The following CFAP44 variants were observed in gnomAD, a reference collection of about 807,000 sequenced individuals.
The protein encoded by CFAP44 is cilia and flagella associated protein 44, also known as cilia- and flagella-associated protein 44.
In CFAP44, 134 loss-of-function variants were observed where a neutral mutation model predicts 216.2. The observed-to-expected ratio is 0.62, with a 90% CI of 0.54 to 0.72. The LOEUF (loss-of-function observed/expected upper bound fraction) is 0.72, where lower values mean the gene tolerates loss of function less well. CFAP44 is among the 30% of genes least tolerant of loss of function. CFAP44 has a pLI of 0.00. For synonymous variants in CFAP44, 700 were observed against 727.6 expected (o/e 0.96, Z 0.61); for missense variants, 2,035 against 2,182.1 (o/e 0.93, Z 1.34).
intron 26 of CFAP44, among the ~76,000 whole-genome samples, chr3:113,329,668 A>G (rs1190281233): frequency 6.6e-6 from 1 of 152,222 alleles, no homozygotes; most frequent in Non-Finnish European, 1.5e-5. Context: ...TAGAAATAAG[A>G]ATAGTCGCCA....
rs968202271 is a variant in CFAP44 at position 113,330,381 on chromosome 3, G to A, written c.3903C>T (p.Gly1301=). 3.9e-6 allele frequency: 6 copies of A among 1,537,084 alleles called. No homozygotes were observed. The highest frequency in any genetic ancestry group is 4.4e-6 in the Non-Finnish European group (5 of 1,146,886). The change falls in exon 26 of 35, where the codon GGC becomes GGT. Residue 1301 remains glycine, a synonymous_variant. Transcript: ENST00000393845. The stretch of plus-strand genomic sequence containing the variant: ...AGAGTTTGAGGAATCCTCCAACTGG[G>A]CCTCCAGACCCTGTCTGTTCCACTC... ...SPGVEQTGSG[G]PVGGFLKLSS...
At chr3:113,383,636 A>C (rs983298374) in intron 15 of CFAP44, among the ~76,000 whole-genome samples, 6 of 152,240 alleles carry the variant, frequency 3.9e-5, no homozygotes, top group African/African-American at 1.4e-4. Context: ...AGCAAATGGT[A>C]AATGAAATAC....
chr3:113,420,007 G>A lies in CFAP44; in HGVS notation c.570+10C>T. 2 of 1,603,846 alleles carry A rather than the reference G, an allele frequency of 1.2e-6. No homozygotes were observed. Among genetic ancestry groups the A allele is most frequent in the Non-Finnish European group, 8.5e-7 (1 of 1,176,440 alleles). On this transcript the variant is annotated intron_variant, in intron 5 of 34. Transcript: ENST00000393845. ...TTTTGGGGTTTTTTTCTAATTTATT[G>A]AAGGCATACCCCAATGACGCCAATT...
At chr3:113,429,629 G>A (rs1177360297) in intron 2 of CFAP44, among the ~76,000 whole-genome samples, 3 of 151,902 alleles carry the variant, frequency 2.0e-5, no homozygotes, top group Non-Finnish European at 4.4e-5. Context: ...TGTAATTATT[G>A]ATATGGTTAG....
chr3:113,400,379 G>C (rs1934108368), intron 12 of CFAP44, among the ~76,000 whole-genome samples, 166 bp downstream of exon 12: 1 of 152,122 alleles, frequency 6.6e-6, no homozygotes, highest in Non-Finnish European at 1.5e-5. Context: ...AACCATGGCT[G>C]CTGTGTTTTG....
At chr3:113,372,589 G>A (rs1037329241) in intron 18 of CFAP44, among the ~76,000 whole-genome samples, 1 of 152,130 alleles carries the variant, frequency 6.6e-6, no homozygotes, top group Admixed American at 6.5e-5. Flanking sequence ...GGGAGTGGGG[G>A]GCAGAGGGAG....
intron 18 of CFAP44, among the ~76,000 whole-genome samples, chr3:113,367,766 A>G (rs1933002975): frequency 6.6e-6 from 1 of 152,226 alleles, no homozygotes; most frequent in African/African-American, 2.4e-5. Flanking sequence ...TAGGCTTCAG[A>G]AGGTTGGTAA....
chr3:113,415,740 CA>C (rs1323788642), intron 6 of CFAP44, among the ~76,000 whole-genome samples: 1 of 152,052 alleles, frequency 6.6e-6, no homozygotes, highest in African/African-American at 2.4e-5. Flanking sequence ...GTTATGATTT[CA>C]ACTCTTATGC....
At chr3:113,432,323 A>G (rs1935126867) in intron 2 of CFAP44, 1 of 152,212 alleles carries the variant, frequency 6.6e-6, no homozygotes, top group Admixed American at 6.5e-5. Flanking sequence ...AAACCCAGAT[A>G]TGCACTATTT....
chr3:113,411,938 C>CTGTT (rs200678347), intron 6 of CFAP44, among the ~76,000 whole-genome samples: 34,036 of 147,062 alleles, frequency 0.23, 4,694 homozygotes, highest in East Asian at 0.55. Context: ...ATTTGGCTCT[C>CTGTT]TGTCTGTTAT....
intron 1 of CFAP44, among the ~76,000 whole-genome samples, chr3:113,435,661 T>C (rs1935219861): frequency 6.6e-6 from 1 of 151,132 alleles, no homozygotes; most frequent in South Asian, 2.1e-4. Context: ...CCCAGGAGTT[T>C]GAGGCTGCAG....
intron 22 of CFAP44, among the ~76,000 whole-genome samples, chr3:113,354,749 C>T (rs1254007479): frequency 6.6e-6 from 1 of 152,142 alleles, no homozygotes; most frequent in Non-Finnish European, 1.5e-5. Context: ...GAGCTCTATA[C>T]GGCCCTGCCC....
intron 5 of CFAP44, among the ~76,000 whole-genome samples, chr3:113,419,396 T>C (rs1934744907): frequency 6.6e-6 from 1 of 152,236 alleles, no homozygotes; most frequent in Admixed American, 6.5e-5. Flanking sequence ...TTCCCCATTA[T>C]ATGTTCTGTG....
rs145105791 is a variant in CFAP44 at position 113,349,786 on chromosome 3, C to T, written c.3066-5074G>A. Among the ~76,000 whole-genome samples the T allele has an allele frequency of 1.2e-3, 177 of 152,316 alleles. 1 individual carries two copies. Among genetic ancestry groups the T allele is most frequent in the African/African-American group, 3.2e-3 (134 of 41,566 alleles). On this transcript the variant is annotated intron_variant, in intron 22 of 34. Transcript: ENST00000393845. ...CCATTGAGGACCAGGAAATTGACTTCCTCCTGGACACTGGTGCAGCTTTCT... is the reference window on the plus strand; with the variant it reads ...CCATTGAGGACCAGGAAATTGACTTTCTCCTGGACACTGGTGCAGCTTTCT...
In CFAP44 at chr3:113,289,030, G is replaced by A. The variant is rs969679787; in HGVS notation, c.*2527C>T. On this transcript the variant is annotated 3_prime_UTR_variant, in exon 35 of 35. Transcript: ENST00000393845. ...AGGCTGCTCCTCTGGGAGCACAGCAGAAGGCAGGGAAGTGTGCCAGGAGCA... is the reference window on the plus strand; with the variant it reads ...AGGCTGCTCCTCTGGGAGCACAGCAAAAGGCAGGGAAGTGTGCCAGGAGCA... 2 of 152,170 alleles carry A rather than the reference G, an allele frequency of 1.3e-5. No individual in the cohort carries two copies. Among genetic ancestry groups the A allele is most frequent in the African/African-American group, 4.8e-5 (2 of 41,440 alleles). The allele number at this position is 152,170 out of a possible 1,614,324, so 9.4% of individuals were successfully genotyped here. A position where few individuals can be genotyped will look rare whatever the true frequency, so the allele number is the denominator to read the frequency against.
Position 113,373,500 on chromosome 3 carries a change from G to C in CFAP44, c.2355C>G (p.Ser785Arg). 1 of 1,607,310 alleles carries C rather than the reference G, an allele frequency of 6.2e-7. No homozygotes were observed. The highest frequency in any genetic ancestry group is 8.5e-7 in the Non-Finnish European group (1 of 1,176,378). The change falls in exon 18 of 35, where the codon AGC becomes AGG. Residue 785 changes from serine (S) to arginine (R), a missense_variant. Coordinates refer to ENST00000393845, the MANE Select transcript of CFAP44 (RefSeq NM_001164496.2). ...CATCTTTTTGTTCTTTGAAATCACT[G>C]CTTTCATCACAAGGGGGGAACTCAC... ...YHCEFPPCDE[S>R]SDFKEQKDEP...
intron 8 of CFAP44, 24 bp downstream of exon 8, chr3:113,406,903 T>A (rs763473173): frequency 5.3e-5 from 83 of 1,553,726 alleles, no homozygotes; most frequent in Non-Finnish European, 6.6e-5. Context: ...AATTTTAATA[T>A]TGTAGAATAG....
rs895289000 is a variant in CFAP44 at position 113,326,573 on chromosome 3, T to C, written c.4388A>G (p.Gln1463Arg). The C allele has an allele frequency of 2.6e-6, 4 of 1,534,566 alleles. No homozygotes were observed. In the East Asian group the frequency reaches 9.8e-5, roughly 38 times the overall value. ...AAAACCAGCATAGAGTGCCTTTTCTTGCTCCTGGAGTTTGGTGATTTCATT... is the reference window on the plus strand; with the variant it reads ...AAAACCAGCATAGAGTGCCTTTTCTCGCTCCTGGAGTTTGGTGATTTCATT... ...KKNEITKLQE[Q>R]EKALYAGFQA... The change falls in exon 28 of 35, where the codon CAA becomes CGA. Residue 1463 changes from glutamine to arginine, a missense_variant. Physicochemically the swap from Gln to Arg is conservative, Grantham distance 43 (BLOSUM62 1). Coordinates refer to ENST00000393845, the MANE Select transcript of CFAP44 (RefSeq NM_001164496.2).
intron 21 of CFAP44, chr3:113,361,325 C>T (rs9872143): frequency 0.34 from 72,921 of 217,590 alleles, 12,825 homozygotes; most frequent in East Asian, 0.58. Flanking sequence ...GCTAGATTCA[C>T]TGAGGCAAAA....
Sources: gnomAD v4.1 joint callset for allele counts (sites outside exome capture counted in the v4.1 genomes callset) on GRCh38, gnomAD v4.1.1 for gene constraint, MANE v1.5 for transcripts, NCBI Gene and HGNC (gene_info 2026-07-23, HGNC 2026-07-21) for gene names.